The following PLCB4 variants were observed in gnomAD, a reference collection of about 807,000 sequenced individuals.
PLCB4 encodes 1-phosphatidylinositol 4,5-bisphosphate phosphodiesterase beta-4.
PLCB4 carries 77 observed loss-of-function variants against 178.8 expected under a neutral mutation model. The ratio of observed to expected loss-of-function variants is 0.43; its 90% CI spans 0.36 to 0.52. The LOEUF (loss-of-function observed/expected upper bound fraction) is 0.52. Ranked by LOEUF, PLCB4 falls within the 20% of genes least tolerant of loss-of-function variation. PLCB4 has a pLI of 0.00. For synonymous variants in PLCB4, 496 were observed against 490.8 expected, an observed-to-expected ratio of 1.01 and a Z score of -0.14; for missense variants, 1,024 against 1,453.4, an observed-to-expected ratio of 0.70 and a Z score of 4.80.
intron 36 of PLCB4, 123 bp from the exon 37 acceptor site, chr20:9,472,667 A>G (rs2044268741): frequency 1.9e-6 from 1 of 536,062 alleles, no homozygotes; most frequent in African/African-American, 2.0e-5. Context: ...TGCAATAACA[A>G]TTAGAAAAAT....
chr20:9,467,393 G>A (rs559537330), intron 35 of PLCB4, among the ~76,000 whole-genome samples: 2 of 152,238 alleles, frequency 1.3e-5, no homozygotes, highest in South Asian at 2.1e-4. Context: ...AATCCTGCAC[G>A]TTGTGCACAT....
intron 2 of PLCB4, among the ~76,000 whole-genome samples, chr20:9,121,368 C>T (rs940124508): frequency 6.6e-6 from 1 of 152,132 alleles, no homozygotes; most frequent in Non-Finnish European, 1.5e-5. Flanking sequence ...GGGCTCTGAA[C>T]GCCGCTTACG....
At chr20:9,402,657 G>A (rs183708030) in intron 20 of PLCB4, among the ~76,000 whole-genome samples, 9 of 152,304 alleles carry the variant, frequency 5.9e-5, no homozygotes, top group African/African-American at 1.9e-4. Context: ...GTCCCCGATG[G>A]TCAAACCAGA....
intron 35 of PLCB4, among the ~76,000 whole-genome samples, chr20:9,468,120 A>C (rs1437451897): frequency 6.6e-6 from 1 of 152,076 alleles, no homozygotes; most frequent in Non-Finnish European, 1.5e-5. Flanking sequence ...TATGAAGCAA[A>C]ACTGAGATCT....
chr20:9,143,727 C>T (rs1457216967), intron 2 of PLCB4, among the ~76,000 whole-genome samples: 2 of 152,074 alleles, frequency 1.3e-5, no homozygotes, highest in African/African-American at 2.4e-5. Flanking sequence ...GGAGATTATA[C>T]TATACAGGGT....
chr20:9,070,675 AT>A (rs1203626122), intron 1 of PLCB4, among the ~76,000 whole-genome samples: 1 of 152,176 alleles, frequency 6.6e-6, no homozygotes, highest in Non-Finnish European at 1.5e-5. Context: ...ATGGCAAAAC[AT>A]TTTTATTGGC....
At chr20:9,229,704 C>G (rs2093910773) in intron 3 of PLCB4, among the ~76,000 whole-genome samples, 1 of 151,598 alleles carries the variant, frequency 6.6e-6, no homozygotes, top group South Asian at 2.1e-4. Context: ...TTTTTTCCTT[C>G]AAATTTTAAG....
chr20:9,200,779 T>A (rs566772596), intron 2 of PLCB4, among the ~76,000 whole-genome samples: 1 of 152,222 alleles, frequency 6.6e-6, no homozygotes, highest in Admixed American at 6.5e-5. Context: ...CTCACTTCTC[T>A]CAGGTCTTTG....
At chr20:9,280,964 A>G (rs2094490269) in intron 3 of PLCB4, among the ~76,000 whole-genome samples, 1 of 151,508 alleles carries the variant, frequency 6.6e-6, no homozygotes, top group Non-Finnish European at 1.5e-5. Context: ...AAAAAAAAAA[A>G]GAGGTATACC....
At position 9,137,655 on chromosome 20, in the gene PLCB4, C is replaced by T. The variant is rs536374938; in HGVS notation, c.-79+41313C>T. 5.6e-4 allele frequency among the ~76,000 whole-genome samples: 85 copies of T among 152,074 alleles called. 1 individual carries two copies. Among genetic ancestry groups the T allele is most frequent in the Non-Finnish European group, 7.5e-4 (51 of 67,998 alleles). The stretch of plus-strand genomic sequence containing the variant: ...ATCTGGAAATTTCAGAGATTTCTCT[C>T]ATGTGTGCTAATTTTAGATAAGTAA... On this transcript the variant is annotated intron_variant, in intron 2 of 39. Transcript: ENST00000378473.
intron 4 of PLCB4, among the ~76,000 whole-genome samples, chr20:9,335,682 C>T (rs1454173269): frequency 6.6e-6 from 1 of 152,168 alleles, no homozygotes; most frequent in Non-Finnish European, 1.5e-5. Flanking sequence ...ACTACTTCCA[C>T]TTGTTAGACA....
At chr20:9,115,440 T>C (rs75782285) in intron 2 of PLCB4, among the ~76,000 whole-genome samples, 2 of 152,026 alleles carry the variant, frequency 1.3e-5, no homozygotes, top group Non-Finnish European at 2.9e-5. Flanking sequence ...CTTCTTTTTT[T>C]TTAATACTTT....
chr20:9,180,475 G>A (rs1364522080), intron 2 of PLCB4, among the ~76,000 whole-genome samples: 1 of 152,178 alleles, frequency 6.6e-6, no homozygotes, highest in East Asian at 1.9e-4. Context: ...ATTGGTCTAT[G>A]GAAGGATGCA....
At position 9,365,463 on chromosome 20, in the gene PLCB4, G is replaced by A; in HGVS notation, c.452G>A (p.Trp151Ter). ...ATGTTATTGCTATTGTTTTGCAGCT[G>A]GATGAAATTGGCATTTATGACCAAC... is the stretch of plus-strand genomic sequence containing the variant. Reference protein sequence around the residue: ...VSPMTCLKKHWMKLAFMTNTN... With the variant: ...VSPMTCLKKH The change falls in exon 9 of 40, where the codon TGG becomes TAG. Residue 151 changes from tryptophan (W) to a stop codon, truncating the protein, a stop_gained and splice_region_variant. Coordinates refer to ENST00000378473, the MANE Select transcript of PLCB4 (RefSeq NM_001377142.1). LOFTEE classifies it high-confidence loss of function. 6.2e-7 allele frequency: 1 copy of A among 1,602,132 alleles called. No individual in the cohort carries two copies. The highest frequency in any genetic ancestry group is 8.6e-7 in the Non-Finnish European group (1 of 1,169,502).
intron 1 of PLCB4, among the ~76,000 whole-genome samples, chr20:9,089,975 T>C (rs1207744342): frequency 2.0e-5 from 3 of 152,190 alleles, no homozygotes; most frequent in Admixed American, 6.6e-5. Context: ...TAAGCATTCG[T>C]AAAGGAGTCC....
At chr20:9,293,221 T>TGGAA (rs769838770) in intron 3 of PLCB4, among the ~76,000 whole-genome samples, 12 of 110,690 alleles carry the variant, frequency 1.1e-4, no homozygotes, top group African/African-American at 3.5e-4. Flanking sequence ...GAAGGAAGGA[T>TGGAA]GGAAGGAAGG....
At chr20:9,471,052 C>G (rs763316175) in intron 36 of PLCB4, among the ~76,000 whole-genome samples, 3 of 152,106 alleles carry the variant, frequency 2.0e-5, no homozygotes, top group Non-Finnish European at 4.4e-5. Context: ...ATCATACTTA[C>G]ATTTTTAGAT....
chr20:9,473,500 T>C (rs1438055331), intron 38 of PLCB4, 135 bp downstream of exon 38: 16 of 452,630 alleles, frequency 3.5e-5, no homozygotes, highest in Non-Finnish European at 5.6e-5. Flanking sequence ...CCCATTACTA[T>C]ATTTTCTCCA....
chr20:9,278,323 A>G (rs1440683720), intron 3 of PLCB4, among the ~76,000 whole-genome samples: 1 of 152,054 alleles, frequency 6.6e-6, no homozygotes, highest in Non-Finnish European at 1.5e-5. Flanking sequence ...AAGAGTTAGT[A>G]TTGATGTTCT....
Sources: allele counts gnomAD v4.1 joint callset (sites outside exome capture counted in the v4.1 genomes callset), GRCh38; gene constraint gnomAD v4.1.1; transcripts MANE v1.5; gene names NCBI Gene and HGNC (gene_info 2026-07-23, HGNC 2026-07-21).